The following SLC15A2 variants were observed in gnomAD, a reference collection of about 807,000 sequenced individuals.
SLC15A2 encodes the protein solute carrier family 15 member 2.
Under a neutral mutation model 95.5 loss-of-function variants are expected in SLC15A2, and 77 were observed. The observed-to-expected ratio is 0.81, with a 90% CI of 0.67 to 0.97. The LOEUF (loss-of-function observed/expected upper bound fraction) is 0.97, where lower values mean the gene tolerates loss of function less well. Among genes scored for constraint, SLC15A2 ranks in the 50% least tolerant of loss-of-function variants. The pLI is 0.00. For missense variants in SLC15A2, 893 were observed against 874.4 expected (o/e 1.02, Z -0.27); for synonymous variants, 306 against 306.9 (o/e 1.00, Z 0.03).
chr3:121,908,264 G>A (rs553742163), intron 3 of SLC15A2, among the ~76,000 whole-genome samples: 4 of 152,212 alleles, frequency 2.6e-5, no homozygotes, highest in Non-Finnish European at 5.9e-5. Context: ...TGGGAGTGTT[G>A]CGATTTTCCA....
At chr3:121,922,183 T>C in intron 7 of SLC15A2, 37 bp from the exon 8 acceptor site, 1 of 1,559,368 alleles carries the variant, frequency 6.4e-7, no homozygotes, top group Non-Finnish European at 8.8e-7. Flanking sequence ...ACCTAATAAA[T>C]GAGAAGCTAA....
At chr3:121,905,524 G>A (rs1398003247) in intron 3 of SLC15A2, among the ~76,000 whole-genome samples, 1 of 152,126 alleles carries the variant, frequency 6.6e-6, no homozygotes, top group Non-Finnish European at 1.5e-5. Flanking sequence ...CTTTAAATGT[G>A]TCCCAGAGAT....
At chr3:121,904,013 T>C (rs1334514912) in intron 3 of SLC15A2, among the ~76,000 whole-genome samples, 2 of 152,224 alleles carry the variant, frequency 1.3e-5, no homozygotes, top group African/African-American at 2.4e-5. Context: ...GTTTGTATCC[T>C]CTTTTATTTC....
intron 5 of SLC15A2, among the ~76,000 whole-genome samples, 165 bp downstream of exon 5, chr3:121,913,285 A>C (rs1709811189): frequency 6.6e-6 from 1 of 152,244 alleles, no homozygotes; most frequent in Non-Finnish European, 1.5e-5. Flanking sequence ...GGAAAACTGA[A>C]ACAGTTTCAA....
intron 19 of SLC15A2, 62 bp from the exon 20 acceptor site, chr3:121,939,287 G>A (rs1164212903): frequency 1.9e-5 from 24 of 1,271,606 alleles, no homozygotes; most frequent in Non-Finnish European, 2.2e-5. Context: ...GTAGAATGCT[G>A]TAGTTAGAAA....
At chr3:121,909,025 A>G (rs1344419147) in intron 3 of SLC15A2, among the ~76,000 whole-genome samples, 2 of 151,818 alleles carry the variant, frequency 1.3e-5, no homozygotes, top group Non-Finnish European at 2.9e-5. Context: ...AAAAAAAGTC[A>G]CTGTTCATTT....
At chr3:121,912,014 A>G (rs1709777745) in intron 4 of SLC15A2, among the ~76,000 whole-genome samples, 2 of 152,238 alleles carry the variant, frequency 1.3e-5, no homozygotes, top group Admixed American at 1.3e-4. Flanking sequence ...TGTAGAAGTC[A>G]TACTCAAAGC....
At position 121,941,164 on chromosome 3, in the gene SLC15A2, A is replaced by T; in HGVS notation, c.*157A>T. ...AGTTCCAGGACTGGTTTTCCAGTAC[A>T]TCTTTAAACAAGGCCCCAGAGACTC... On this transcript the variant is annotated 3_prime_UTR_variant, in exon 22 of 22. Coordinates refer to ENST00000489711, the MANE Select transcript of SLC15A2 (RefSeq NM_021082.4). 1 of 635,604 alleles carries T rather than the reference A, an allele frequency of 1.6e-6. No homozygotes were observed. The highest frequency in any genetic ancestry group is 2.9e-5 in the East Asian group (1 of 34,852). The allele number at this position is 635,604 out of a possible 1,614,324, so 39.4% of individuals were successfully genotyped here.
intron 7 of SLC15A2, 21 bp downstream of exon 7, chr3:121,915,714 G>C: frequency 6.4e-7 from 1 of 1,572,580 alleles, no homozygotes; most frequent in Non-Finnish European, 8.8e-7. Context: ...TGAAGCAAAG[G>C]AAACTAATAA....
chr3:121,904,885 T>C (rs1232321604), intron 3 of SLC15A2, among the ~76,000 whole-genome samples: 9 of 152,170 alleles, frequency 5.9e-5, no homozygotes, highest in Admixed American at 2.0e-4. Context: ...GGCAGGATTC[T>C]CTCTTTTTCT....
At chr3:121,928,289 T>G in intron 14 of SLC15A2, 132 bp from the exon 15 acceptor site, 1 of 1,169,378 alleles carries the variant, frequency 8.6e-7, no homozygotes. Context: ...CTAAGCCAAA[T>G]ATTTTTCAGA....
At chr3:121,925,174 G>C in intron 13 of SLC15A2, 141 bp downstream of exon 13, 2 of 669,868 alleles carry the variant, frequency 3.0e-6, no homozygotes, top group Admixed American at 4.9e-5. Context: ...TTCCATGTTA[G>C]ACTAACTGCC....
chr3:121,901,336 A>T (rs949884925), intron 3 of SLC15A2, among the ~76,000 whole-genome samples: 3 of 152,150 alleles, frequency 2.0e-5, no homozygotes, highest in African/African-American at 7.2e-5. Flanking sequence ...ATTTTTATCC[A>T]AGAGCACGTA....
At chr3:121,920,683 A>G (rs1709988496) in intron 7 of SLC15A2, among the ~76,000 whole-genome samples, 1 of 152,232 alleles carries the variant, frequency 6.6e-6, no homozygotes, top group Admixed American at 6.5e-5. Context: ...TGAGAAGGGT[A>G]TTATAGATAA....
chr3:121,941,149 C>G lies in SLC15A2; in HGVS notation c.*142C>G. ...TTCTCCAATGACAGAAGTTCCAGGA[C>G]TGGTTTTCCAGTACATCTTTAAACA... On this transcript the variant is annotated 3_prime_UTR_variant, in exon 22 of 22. Transcript: ENST00000489711. The G allele has an allele frequency of 6.8e-6, 5 of 732,582 alleles. No homozygotes were observed. Among genetic ancestry groups the G allele is most frequent in the South Asian group, 2.2e-5 (1 of 46,358 alleles). 45.4% of individuals were successfully genotyped at this position (732,582 alleles called of 1,614,324 possible).
intron 3 of SLC15A2, among the ~76,000 whole-genome samples, chr3:121,899,085 C>A (rs1185811643): frequency 6.6e-6 from 1 of 152,124 alleles, no homozygotes; most frequent in African/African-American, 2.4e-5. Flanking sequence ...AATAAAGATT[C>A]ATATACATGA....
intron 10 of SLC15A2, 28 bp downstream of exon 10, chr3:121,923,157 G>T (rs766754572): frequency 1.2e-6 from 2 of 1,612,194 alleles, no homozygotes; most frequent in African/African-American, 1.3e-5. Context: ...GGACATTACC[G>T]CTCCTTACAG....
At chr3:121,909,457 T>A (rs963311171) in intron 3 of SLC15A2, among the ~76,000 whole-genome samples, 1 of 152,210 alleles carries the variant, frequency 6.6e-6, no homozygotes, top group African/African-American at 2.4e-5. Context: ...CCTAAAGCAT[T>A]TCTGTGTGCT....
chr3:121,909,946 G>A (rs768170530), intron 3 of SLC15A2, among the ~76,000 whole-genome samples: 10 of 151,608 alleles, frequency 6.6e-5, no homozygotes, highest in Non-Finnish European at 1.2e-4. Flanking sequence ...ATTGGATACC[G>A]ATCTTACTAC....
Sources: allele counts gnomAD v4.1 joint callset (sites outside exome capture counted in the v4.1 genomes callset), GRCh38; gene constraint gnomAD v4.1.1; transcripts MANE v1.5; gene names NCBI Gene and HGNC (gene_info 2026-07-23, HGNC 2026-07-21).